MGAT4C: variants seen among roughly 807,000 people sequenced by gnomAD.
MGAT4C encodes the protein MGAT4 family member C, also known as alpha-1,3-mannosyl-glycoprotein 4-beta-N-acetylglucosaminyltransferase C.
In MGAT4C, 19 loss-of-function variants were observed where a neutral mutation model predicts 40.1. The observed-to-expected ratio is 0.47, with a 90% CI of 0.33 to 0.70. MGAT4C has a LOEUF of 0.70. Among genes scored for constraint, MGAT4C ranks in the 30% least tolerant of loss-of-function variants. The pLI is 0.02. For missense variants in MGAT4C, 491 were observed against 563.2 expected, an observed-to-expected ratio of 0.87 and a Z score of 1.30; for synonymous variants, 181 against 187.1, an observed-to-expected ratio of 0.97 and a Z score of 0.27.
chr12:86,633,262 A>G (rs1963119030), intron 2 of MGAT4C, among the ~76,000 whole-genome samples: 1 of 152,008 alleles, frequency 6.6e-6, no homozygotes, highest in Non-Finnish European at 1.5e-5. Context: ...ATATTTTTAG[A>G]TGTATGTGAC....
intron 3 of MGAT4C, among the ~76,000 whole-genome samples, chr12:85,986,766 AAT>A (rs1885246628): frequency 1.3e-5 from 2 of 152,202 alleles, no homozygotes; most frequent in Admixed American, 6.5e-5. Flanking sequence ...GAGTTCAGAT[AAT>A]TTTATTAAAA....
At chr12:86,205,616 CTAA>C (rs1284218695) in intron 1 of MGAT4C, among the ~76,000 whole-genome samples, 2 of 151,714 alleles carry the variant, frequency 1.3e-5, no homozygotes, top group Non-Finnish European at 2.9e-5. Context: ...TTAAATATTT[CTAA>C]TGTTTGAAAT....
chr12:86,003,745 T>C (rs1248092890), intron 2 of MGAT4C, among the ~76,000 whole-genome samples: 2 of 128,204 alleles, frequency 1.6e-5, no homozygotes, highest in Non-Finnish European at 3.5e-5. Flanking sequence ...TGTGAAGTTT[T>C]GTGAAGAAGA....
intron 2 of MGAT4C, among the ~76,000 whole-genome samples, chr12:86,630,341 C>T (rs1319691374): frequency 2.0e-5 from 3 of 152,132 alleles, no homozygotes; most frequent in Non-Finnish European, 4.4e-5. Context: ...GGAGCTGGTA[C>T]CATTCCTTCT....
intron 2 of MGAT4C, among the ~76,000 whole-genome samples, chr12:86,514,359 A>G (rs1042736130): frequency 6.6e-6 from 1 of 152,156 alleles, no homozygotes; most frequent in Non-Finnish European, 1.5e-5. Flanking sequence ...GCCATGAACT[A>G]CGTGGCTTAA....
intron 3 of MGAT4C, among the ~76,000 whole-genome samples, chr12:86,420,514 C>T (rs1253125283): frequency 6.6e-6 from 1 of 151,978 alleles, no homozygotes; most frequent in Non-Finnish European, 1.5e-5. Context: ...TAGGCTGGGC[C>T]ACCTCTTAGC....
rs11103943 is a variant in MGAT4C at position 86,373,733 on chromosome 12, C to T, written c.-119-39606G>A. ...ATAGCAGAGCAGATATGAATAGCTG[C>T]GAAACACAGTGAAGGGGTCAATAGG... On this transcript the variant is annotated intron_variant, in intron 3 of 7. Coordinates refer to the MGAT4C transcript ENST00000548651. Among the ~76,000 whole-genome samples, 1,191 of 151,116 alleles carry T rather than the reference C, an allele frequency of 7.9e-3. 15 individuals are homozygous for T. The highest frequency in any genetic ancestry group is 0.053 in the East Asian group (273 of 5,106).
At chr12:86,759,844 C>A (rs956050372) in intron 1 of MGAT4C, among the ~76,000 whole-genome samples, 1 of 152,020 alleles carries the variant, frequency 6.6e-6, no homozygotes, top group African/African-American at 2.4e-5. Flanking sequence ...TAGGTTGCCT[C>A]TTTTCTCTGT....
intron 4 of MGAT4C, among the ~76,000 whole-genome samples, chr12:86,272,847 T>C (rs1952983400): frequency 6.6e-6 from 1 of 152,168 alleles, no homozygotes; most frequent in Non-Finnish European, 1.5e-5. Context: ...AGTGAGACCC[T>C]GTCTCAAATA....
intron 1 of MGAT4C, among the ~76,000 whole-genome samples, chr12:86,053,162 C>T (rs1893053734): frequency 6.6e-6 from 1 of 150,540 alleles, no homozygotes; most frequent in Non-Finnish European, 1.5e-5. Flanking sequence ...TGATTAGCCA[C>T]GGTGACTTTT....
chr12:86,570,956 G>A (rs1960339561), intron 2 of MGAT4C, among the ~76,000 whole-genome samples: 1 of 152,022 alleles, frequency 6.6e-6, no homozygotes, highest in Non-Finnish European at 1.5e-5. Context: ...TGGAATTACA[G>A]GTATATGCCA....
At chr12:86,679,620 A>G (rs1335096007) in intron 2 of MGAT4C, among the ~76,000 whole-genome samples, 1 of 152,082 alleles carries the variant, frequency 6.6e-6, no homozygotes, top group Non-Finnish European at 1.5e-5. Context: ...TTAAGTCATG[A>G]GCAGAGCCTT....
intron 2 of MGAT4C, among the ~76,000 whole-genome samples, chr12:86,512,362 C>T (rs1232261275): frequency 6.6e-6 from 1 of 152,074 alleles, no homozygotes. Flanking sequence ...GTGCCTTAAA[C>T]ATTTTAAAAT....
At chr12:86,383,706 A>T (rs1261853957) in intron 3 of MGAT4C, among the ~76,000 whole-genome samples, 1 of 152,134 alleles carries the variant, frequency 6.6e-6, no homozygotes, top group Non-Finnish European at 1.5e-5. Flanking sequence ...GTATCCAGAA[A>T]GTAACTAACT....
chr12:85,998,336 C>T (rs1319046335), intron 2 of MGAT4C, among the ~76,000 whole-genome samples: 2 of 152,198 alleles, frequency 1.3e-5, no homozygotes, highest in Non-Finnish European at 2.9e-5. Context: ...TCTGACTTGA[C>T]CTGGAGACAT....
At chr12:86,769,578 C>T (rs1192056155) in intron 1 of MGAT4C, among the ~76,000 whole-genome samples, 1 of 152,060 alleles carries the variant, frequency 6.6e-6, no homozygotes, top group Non-Finnish European at 1.5e-5. Flanking sequence ...ATGTTTATTG[C>T]AGCACTATTC....
intron 2 of MGAT4C, among the ~76,000 whole-genome samples, chr12:86,680,036 T>C (rs1949951037): frequency 6.6e-6 from 1 of 151,982 alleles, no homozygotes; most frequent in Non-Finnish European, 1.5e-5. Flanking sequence ...TACCTCTTTC[T>C]ATCCCCTTTT....
At chr12:86,794,938 C>A (rs2136196609) in intron 1 of MGAT4C, among the ~76,000 whole-genome samples, 1 of 151,886 alleles carries the variant, frequency 6.6e-6, no homozygotes, top group African/African-American at 2.4e-5. Flanking sequence ...AACCACTGCA[C>A]CCCATTCTGT....
intron 4 of MGAT4C, among the ~76,000 whole-genome samples, chr12:86,281,820 C>G (rs1250051743): frequency 6.6e-6 from 1 of 151,896 alleles, no homozygotes; most frequent in Admixed American, 6.6e-5. Flanking sequence ...TTTTATTTTG[C>G]CTGTTTTTTG....
Sources: allele counts gnomAD v4.1 joint callset (sites outside exome capture counted in the v4.1 genomes callset), GRCh38; gene constraint gnomAD v4.1.1; transcripts MANE v1.5; gene names NCBI Gene and HGNC (gene_info 2026-07-23, HGNC 2026-07-21).